TAX1BP1: variants seen among roughly 807,000 people sequenced by gnomAD.
TAX1BP1 encodes the protein Tax1 binding protein 1, also known as tax1-binding protein 1.
In TAX1BP1, 62 loss-of-function variants were observed where a neutral mutation model predicts 97.7. The ratio of observed to expected loss-of-function variants is 0.63; its 90% confidence interval spans 0.52 to 0.78. The LOEUF (loss-of-function observed/expected upper bound fraction) is 0.78, where lower values mean the gene tolerates loss of function less well. Among genes scored for constraint, TAX1BP1 ranks in the 30% least tolerant of loss-of-function variants. The probability of loss-of-function intolerance (pLI) is 0.00; values close to 1 mark genes in which losing one functional copy is unlikely to be tolerated. For synonymous variants in TAX1BP1, 340 were observed against 304.2 expected (o/e 1.12, Z -1.23); for missense variants, 867 against 916.1 (o/e 0.95, Z 0.69).
intron 2 of TAX1BP1, among the ~76,000 whole-genome samples, chr7:27,751,881 G>C (rs995689141): frequency 6.6e-6 from 1 of 152,002 alleles, no homozygotes; most frequent in East Asian, 1.9e-4. Flanking sequence ...TCGAACTCCT[G>C]GGCTCAAGCG....
chr7:27,795,810 C>T (rs945155719), intron 11 of TAX1BP1, among the ~76,000 whole-genome samples: 8 of 152,186 alleles, frequency 5.3e-5, no homozygotes, highest in Admixed American at 2.0e-4. Flanking sequence ...CTTGGCCTCC[C>T]AAAGTGCTGG....
rs555250244 is a variant in TAX1BP1 at position 27,793,079 on chromosome 7, C to A, written c.1277C>A (p.Thr426Lys). 6 of 1,599,764 alleles carry A rather than the reference C, an allele frequency of 3.8e-6. No individual in the cohort carries two copies. Among genetic ancestry groups the A allele is most frequent in the Non-Finnish European group, 4.2e-6 (5 of 1,176,778 alleles). The part of the protein sequence containing the change: ...AMKKDQDKTD[T>K]LEHELRREVE... ...GTTTCTTTCTAGGACAAGACTGATACACTGGAACACGAACTAAGAAGAGAA... is the reference window on the plus strand; with the variant it reads ...GTTTCTTTCTAGGACAAGACTGATAAACTGGAACACGAACTAAGAAGAGAA... The change falls in exon 10 of 17, where the codon ACA becomes AAA. Residue 426 changes from threonine to lysine, a missense_variant. By Grantham distance (78) the Thr-to-Lys change is moderately conservative (BLOSUM62 -1). Coordinates refer to ENST00000396319, the MANE Select transcript of TAX1BP1 (RefSeq NM_006024.7).
intron 2 of TAX1BP1, among the ~76,000 whole-genome samples, chr7:27,757,639 GTA>G (rs1176561647): frequency 3.9e-5 from 6 of 151,962 alleles, no homozygotes; most frequent in African/African-American, 1.4e-4. Flanking sequence ...TAGACATTCA[GTA>G]TGTGCCACCT....
At chr7:27,806,683 G>C (rs1387486321) in intron 13 of TAX1BP1, among the ~76,000 whole-genome samples, 8 of 151,910 alleles carry the variant, frequency 5.3e-5, no homozygotes, top group Non-Finnish European at 1.5e-5. Context: ...TATTTGGTTG[G>C]GTTAGTCCTT....
At position 27,764,531 on chromosome 7, in the gene TAX1BP1, CTTGT is replaced by C. The variant is rs1165168027; in HGVS notation, c.266-1300_266-1297del. Among the ~76,000 whole-genome samples, 9 of 152,208 alleles carry C rather than the reference CTTGT, an allele frequency of 5.9e-5. No homozygotes were observed. In the East Asian group the frequency reaches 7.7e-4, roughly 13 times the overall value. On this transcript the variant is annotated intron_variant, in intron 3 of 16. Coordinates refer to ENST00000396319, the MANE Select transcript of TAX1BP1 (RefSeq NM_006024.7). ...TTACTGGTTATAATAATCTTGATTG[CTTGT>C]TTAAGATTGTGTCTTCTGGATTTCT... is the stretch of plus-strand genomic sequence containing the variant.
Position 27,827,656 on chromosome 7 carries a change from TGTCA to T in TAX1BP1, c.2086-79_2086-76del, listed in dbSNP as rs1791230565. ...CCTGAAGTGTAATCTTCTTTTATAC[TGTCA>T]GTATGTGCTTGATTGAATTAAGGAA... is the stretch of plus-strand genomic sequence containing the variant. On this transcript the variant is annotated intron_variant, in intron 15 of 16. Transcript: ENST00000396319. The T allele has an allele frequency of 9.5e-6, 10 of 1,057,592 alleles. 1 individual carries two copies. Among genetic ancestry groups the T allele is most frequent in the African/African-American group, 4.8e-5 (3 of 62,466 alleles). The allele number at this position is 1,057,592 out of a possible 1,614,324, so 65.5% of individuals were successfully genotyped here.
intron 1 of TAX1BP1, among the ~76,000 whole-genome samples, chr7:27,743,767 ATTTTTTTTTTTT>A (rs58774608): frequency 2.9e-4 from 3 of 10,470 alleles, no homozygotes; most frequent in African/African-American, 7.6e-4. Flanking sequence ...TAGTATCTTT[ATTTTTTTTTTTT>A]TTTTTTTTTT....
intron 1 of TAX1BP1, among the ~76,000 whole-genome samples, chr7:27,742,385 A>G (rs1264333787): frequency 6.6e-6 from 1 of 152,196 alleles, no homozygotes; most frequent in African/African-American, 2.4e-5. Context: ...CTTAAGGAGC[A>G]TGCTGCCTTC....
At chr7:27,770,321 A>G (rs1475905490) in intron 5 of TAX1BP1, among the ~76,000 whole-genome samples, 1 of 152,104 alleles carries the variant, frequency 6.6e-6, no homozygotes, top group Non-Finnish European at 1.5e-5. Flanking sequence ...GAATTTCTTG[A>G]GCTAAGAAAA....
intron 1 of TAX1BP1, among the ~76,000 whole-genome samples, chr7:27,742,152 C>T (rs1787638511): frequency 6.6e-6 from 1 of 152,156 alleles, no homozygotes; most frequent in Admixed American, 6.5e-5. Context: ...GTCTCAACTG[C>T]AAGAGGCATG....
chr7:27,810,816 A>T (rs567888493), intron 13 of TAX1BP1, among the ~76,000 whole-genome samples: 3 of 152,252 alleles, frequency 2.0e-5, no homozygotes, highest in African/African-American at 7.2e-5. Context: ...GTCATATTTT[A>T]CCAAGCCTGA....
chr7:27,742,031 C>T (rs1201609598), intron 1 of TAX1BP1, among the ~76,000 whole-genome samples: 2 of 152,242 alleles, frequency 1.3e-5, no homozygotes, highest in Non-Finnish European at 2.9e-5. Context: ...CATGTCCCAC[C>T]TCCAGCCCTA....
At chr7:27,794,174 C>G in intron 10 of TAX1BP1, 149 bp from the exon 11 acceptor site, 1 of 630,316 alleles carries the variant, frequency 1.6e-6, no homozygotes, top group Non-Finnish European at 2.5e-6. Flanking sequence ...TAACTTTAGT[C>G]TTTGTTGGCT....
chr7:27,768,980 T>C (rs1414551048), intron 4 of TAX1BP1, among the ~76,000 whole-genome samples: 3 of 152,048 alleles, frequency 2.0e-5, no homozygotes, highest in Non-Finnish European at 4.4e-5. Flanking sequence ...AACTTTGTTT[T>C]ACTATCTTAT....
chr7:27,782,307 G>T (rs1296961843), intron 5 of TAX1BP1, among the ~76,000 whole-genome samples: 1 of 151,954 alleles, frequency 6.6e-6, no homozygotes, highest in Non-Finnish European at 1.5e-5. Context: ...CATAATCTAG[G>T]CTCATTGCAA....
At chr7:27,790,424 G>GT (rs150357623) in intron 8 of TAX1BP1, among the ~76,000 whole-genome samples, 21,120 of 151,696 alleles carry the variant, frequency 0.14, 1,720 homozygotes, top group Middle Eastern at 0.19. Context: ...GGGTCAATGA[G>GT]TATTTAAATT....
rs114518728 is a variant in TAX1BP1, at chr7:27,774,379, C to G, written c.612+4545C>G. On this transcript the variant is annotated intron_variant, in intron 5 of 16. Transcript: ENST00000396319. ...TCAGGCTTCCTCATGGATAAGTCGT[C>G]TAGTTAACAAGTGGCAAAGTTGAGA... is the stretch of plus-strand genomic sequence containing the variant. 6.2e-3 allele frequency among the ~76,000 whole-genome samples: 936 copies of G among 152,178 alleles called. 7 individuals are homozygous for G. Among genetic ancestry groups the G allele is most frequent in the African/African-American group, 0.018 (753 of 41,524 alleles).
At chr7:27,748,748 T>C (rs761192453) in intron 2 of TAX1BP1, 62 bp downstream of exon 2, 8 of 1,303,822 alleles carry the variant, frequency 6.1e-6, no homozygotes, top group Non-Finnish European at 8.1e-6. Flanking sequence ...TTAAAACAGA[T>C]TGATAAGTAG....
rs532945441 is a variant in TAX1BP1 at position 27,771,844 on chromosome 7, A to G, written c.612+2010A>G. ...TCCATATTATAGAAAAAAATTGACA[A>G]AGGACCTGGAATGGTACTTGATGCA... On this transcript the variant is annotated intron_variant, in intron 5 of 16. Transcript: ENST00000396319. 6 of 152,202 alleles carry G rather than the reference A, an allele frequency of 3.9e-5. No homozygotes were observed. The South Asian group carries it at 1.2e-3, about 32-fold the overall frequency. The allele number at this position is 152,202 out of a possible 1,614,324, so 9.4% of individuals were successfully genotyped here. A position where few individuals can be genotyped will look rare whatever the true frequency, so the allele number is the denominator to read the frequency against.
Sources: allele counts gnomAD v4.1 joint callset (sites outside exome capture counted in the v4.1 genomes callset), GRCh38; gene constraint gnomAD v4.1.1; transcripts MANE v1.5; gene names NCBI Gene and HGNC (gene_info 2026-07-23, HGNC 2026-07-21).